C1orf21: variants seen among roughly 807,000 people sequenced by gnomAD.
C1orf21 encodes uncharacterized protein C1orf21.
In C1orf21, 3 loss-of-function variants were observed where a neutral mutation model predicts 18.7. That is an observed-to-expected ratio of 0.16 (90% CI 0.07 to 0.42). The LOEUF (loss-of-function observed/expected upper bound fraction) is 0.42. Ranked by LOEUF, C1orf21 falls within the 10% of genes least tolerant of loss-of-function variation. The pLI is 0.99. For missense variants in C1orf21, 104 were observed against 143.6 expected, an observed-to-expected ratio of 0.72 and a Z score of 1.41; for synonymous variants, 41 against 46.4, an observed-to-expected ratio of 0.88 and a Z score of 0.47.
At chr1:184,419,957 C>A (rs956841183) in intron 1 of C1orf21, among the ~76,000 whole-genome samples, 2 of 152,146 alleles carry the variant, frequency 1.3e-5, no homozygotes, top group Non-Finnish European at 2.9e-5. Context: ...AGGGAAATGA[C>A]ATATTCTGCC....
At chr1:184,403,171 A>C (rs1656190668) in intron 1 of C1orf21, among the ~76,000 whole-genome samples, 1 of 152,266 alleles carries the variant, frequency 6.6e-6, no homozygotes, top group Admixed American at 6.5e-5. Context: ...AACACTGTTG[A>C]TAATACTGAA....
intron 1 of C1orf21, among the ~76,000 whole-genome samples, chr1:184,448,491 T>C (rs1387288260): frequency 6.6e-6 from 1 of 152,248 alleles, no homozygotes; most frequent in African/African-American, 2.4e-5. Flanking sequence ...ATTGTTGTTG[T>C]TGCTTTTAAT....
At chr1:184,411,407 G>A (rs1656350433) in intron 1 of C1orf21, among the ~76,000 whole-genome samples, 1 of 148,730 alleles carries the variant, frequency 6.7e-6, no homozygotes, top group Admixed American at 6.7e-5. Flanking sequence ...TATTGGTTAT[G>A]GGTATTTCCT....
At chr1:184,497,414 A>C (rs1465093110) in intron 2 of C1orf21, among the ~76,000 whole-genome samples, 3 of 152,236 alleles carry the variant, frequency 2.0e-5, no homozygotes, top group Admixed American at 6.5e-5. Flanking sequence ...CTCTTGTGAG[A>C]AAAGGTACAG....
chr1:184,559,974 A>G (rs1448138379), intron 3 of C1orf21, among the ~76,000 whole-genome samples: 1 of 151,284 alleles, frequency 6.6e-6, no homozygotes, highest in Non-Finnish European at 1.5e-5. Context: ...CTGGTCTCGG[A>G]CTCCTGAGCT....
chr1:184,466,831 T>C (rs1277050170), intron 1 of C1orf21, among the ~76,000 whole-genome samples: 8 of 152,176 alleles, frequency 5.3e-5, no homozygotes, highest in Non-Finnish European at 1.5e-5. Flanking sequence ...TCTAGTTGTC[T>C]TACTTATTTT....
chr1:184,524,114 A>C (rs1474637833), intron 3 of C1orf21, among the ~76,000 whole-genome samples: 1 of 152,166 alleles, frequency 6.6e-6, no homozygotes, highest in East Asian at 1.9e-4. Flanking sequence ...TATAGTAATG[A>C]GTTTGCACGT....
chr1:184,617,907 T>G (rs867815364), intron 5 of C1orf21, among the ~76,000 whole-genome samples: 39 of 59,714 alleles, frequency 6.5e-4, no homozygotes, highest in East Asian at 2.0e-3. Flanking sequence ...TGTTGTTGTT[T>G]TTTTTTTTTT....
At chr1:184,442,381 A>G (rs938810931) in intron 1 of C1orf21, among the ~76,000 whole-genome samples, 2 of 152,164 alleles carry the variant, frequency 1.3e-5, no homozygotes, top group African/African-American at 4.8e-5. Context: ...GCATCTCTTT[A>G]TCTGCACAAT....
At chr1:184,398,882 C>CA (rs1656104684) in intron 1 of C1orf21, among the ~76,000 whole-genome samples, 1 of 152,036 alleles carries the variant, frequency 6.6e-6, no homozygotes, top group Non-Finnish European at 1.5e-5. Context: ...CATTGCTGAC[C>CA]AAAACATGGT....
At chr1:184,490,519 G>T (rs1015291363) in intron 2 of C1orf21, among the ~76,000 whole-genome samples, 2 of 152,152 alleles carry the variant, frequency 1.3e-5, no homozygotes, top group African/African-American at 4.8e-5. Context: ...TATAGCAGGG[G>T]AGACTGGGAA....
chr1:184,438,026 G>A (rs1409814763), intron 1 of C1orf21, among the ~76,000 whole-genome samples: 4 of 152,172 alleles, frequency 2.6e-5, no homozygotes, highest in Non-Finnish European at 5.9e-5. Context: ...GGGAGCTGCT[G>A]TAAATACAGA....
chr1:184,565,929 T>G (rs1023114401), intron 3 of C1orf21, among the ~76,000 whole-genome samples: 2 of 152,204 alleles, frequency 1.3e-5, no homozygotes, highest in East Asian at 3.8e-4. Flanking sequence ...TTAATGTTGA[T>G]TTTTGAGTAT....
chr1:184,617,786 A>G (rs1166734754), intron 5 of C1orf21, among the ~76,000 whole-genome samples: 6 of 152,120 alleles, frequency 3.9e-5, no homozygotes, highest in African/African-American at 1.4e-4. Flanking sequence ...AAAACATGCT[A>G]AGGGGTGAAT....
intron 1 of C1orf21, among the ~76,000 whole-genome samples, chr1:184,426,780 G>A (rs1016425574): frequency 6.6e-6 from 1 of 152,140 alleles, no homozygotes; most frequent in African/African-American, 2.4e-5. Context: ...AGCAGGCAGG[G>A]ACCTTGTCTG....
chr1:184,498,995 C>A (rs1178872299), intron 2 of C1orf21, among the ~76,000 whole-genome samples: 1 of 152,194 alleles, frequency 6.6e-6, no homozygotes, highest in Non-Finnish European at 1.5e-5. Flanking sequence ...CTTCATAAAG[C>A]TGTTGTCAGC....
intron 2 of C1orf21, among the ~76,000 whole-genome samples, chr1:184,480,537 G>A (rs1000728971): frequency 6.6e-6 from 1 of 152,182 alleles, no homozygotes; most frequent in East Asian, 1.9e-4. Flanking sequence ...AAAGCACCAT[G>A]TGTATTTTGC....
chr1:184,559,513 T>TCCTTCCTTCCCCCCTC (rs1475063445), intron 3 of C1orf21, among the ~76,000 whole-genome samples: 1 of 82,138 alleles, frequency 1.2e-5, no homozygotes, highest in African/African-American at 6.8e-5. Flanking sequence ...CCCCCTTCCT[T>TCCTTCCTTCCCCCCTC]CCTTCCTTCC....
At chr1:184,522,870 G>T (rs1658323538) in intron 3 of C1orf21, among the ~76,000 whole-genome samples, 1 of 152,028 alleles carries the variant, frequency 6.6e-6, no homozygotes, top group Non-Finnish European at 1.5e-5. Context: ...TGTATGTTTT[G>T]TAGAGACAGG....
Sources: allele counts gnomAD v4.1 joint callset (sites outside exome capture counted in the v4.1 genomes callset), GRCh38; gene constraint gnomAD v4.1.1; transcripts MANE v1.5; gene names NCBI Gene and HGNC (gene_info 2026-07-23, HGNC 2026-07-21).